PTPRR: variants seen among roughly 807,000 people sequenced by gnomAD.
PTPRR encodes protein tyrosine phosphatase receptor type R.
A neutral mutation model predicts 77.2 loss-of-function variants in PTPRR; 38 were observed. That is an observed-to-expected ratio of 0.49 (90% confidence interval 0.38 to 0.65). The LOEUF is 0.65. PTPRR is among the 30% of genes least tolerant of loss of function. The pLI, the probability that PTPRR is intolerant of heterozygous loss-of-function variation, is 0.00. For missense variants in PTPRR, 744 were observed against 799.2 expected (o/e 0.93, Z 0.83); for synonymous variants, 299 against 283.1 (o/e 1.06, Z -0.57).
chr12:70,726,566 G>A (rs1400824721), intron 6 of PTPRR, among the ~76,000 whole-genome samples: 1 of 143,344 alleles, frequency 7.0e-6, no homozygotes, highest in African/African-American at 2.5e-5. Context: ...ATCATCATGG[G>A]ATAGTCTGCA....
intron 1 of PTPRR, among the ~76,000 whole-genome samples, chr12:70,914,270 G>T (rs914622561): frequency 1.3e-5 from 2 of 152,190 alleles, no homozygotes; most frequent in Admixed American, 1.3e-4. Context: ...CATCGCAAAA[G>T]ACTGCCTTCC....
At chr12:70,688,465 A>T (rs12228860) in intron 8 of PTPRR, among the ~76,000 whole-genome samples, 10,736 of 152,292 alleles carry the variant, frequency 0.07, 814 homozygotes, top group East Asian at 0.27. Flanking sequence ...ATCTCAAATC[A>T]TCAGAGAAAT....
chr12:70,734,391 A>G (rs2136896057), intron 6 of PTPRR, among the ~76,000 whole-genome samples: 1 of 152,336 alleles, frequency 6.6e-6, no homozygotes, highest in South Asian at 2.1e-4. Flanking sequence ...TTGCCAAAAG[A>G]GTTCCCAGGG....
intron 10 of PTPRR, chr12:70,672,127 A>T: frequency 7.1e-7 from 1 of 1,403,098 alleles, no homozygotes; most frequent in Non-Finnish European, 1.0e-6. Flanking sequence ...CACAGTTCCT[A>T]GAGCAGGGAG....
intron 10 of PTPRR, among the ~76,000 whole-genome samples, chr12:70,679,550 T>C (rs1887578920): frequency 6.6e-6 from 1 of 152,190 alleles, no homozygotes; most frequent in Admixed American, 6.5e-5. Context: ...AATAAATAAT[T>C]GCTCTTTATA....
intron 1 of PTPRR, among the ~76,000 whole-genome samples, chr12:70,913,417 A>G (rs769982909): frequency 6.6e-6 from 1 of 152,152 alleles, no homozygotes; most frequent in Non-Finnish European, 1.5e-5. Flanking sequence ...GAATGTGTAA[A>G]TGTCTTGTAT....
intron 8 of PTPRR, among the ~76,000 whole-genome samples, chr12:70,685,473 CAAAAAAAAAA>C (rs61205959): frequency 6.6e-5 from 4 of 60,978 alleles, no homozygotes; most frequent in African/African-American, 2.7e-4. Context: ...GACTTCATCT[CAAAAAAAAAA>C]AAAAAAAAAA....
At chr12:70,827,378 C>G (rs1892129234) in intron 2 of PTPRR, among the ~76,000 whole-genome samples, 1 of 152,072 alleles carries the variant, frequency 6.6e-6, no homozygotes, top group Non-Finnish European at 1.5e-5. Flanking sequence ...ATTTATTTCT[C>G]AGAGTTCTGG....
At chr12:70,799,220 A>T (rs933465485) in intron 2 of PTPRR, among the ~76,000 whole-genome samples, 8 of 152,182 alleles carry the variant, frequency 5.3e-5, no homozygotes, top group Non-Finnish European at 8.8e-5. Flanking sequence ...GGATAAGTCT[A>T]TGTCTATGTG....
chr12:70,771,095 G>A (rs1442110156), intron 2 of PTPRR, among the ~76,000 whole-genome samples: 2 of 151,034 alleles, frequency 1.3e-5, no homozygotes, highest in African/African-American at 2.4e-5. Flanking sequence ...CATGGCACAT[G>A]TATACATATG....
At chr12:70,714,914 G>T (rs1888963910) in intron 6 of PTPRR, among the ~76,000 whole-genome samples, 1 of 152,196 alleles carries the variant, frequency 6.6e-6, no homozygotes, top group Non-Finnish European at 1.5e-5. Flanking sequence ...AGCCTAGGGA[G>T]GTTGAGGCTA....
chr12:70,878,675 C>T (rs1314264260), intron 2 of PTPRR, among the ~76,000 whole-genome samples: 3 of 152,102 alleles, frequency 2.0e-5, no homozygotes, highest in Non-Finnish European at 2.9e-5. Context: ...AGTTCAACCA[C>T]TGTGGAAGAC....
At chr12:70,811,430 G>C (rs181256150) in intron 2 of PTPRR, among the ~76,000 whole-genome samples, 5 of 152,206 alleles carry the variant, frequency 3.3e-5, no homozygotes, top group African/African-American at 1.2e-4. Context: ...ATGCTTTGGC[G>C]GTTTTCTGAG....
At chr12:70,797,849 G>A (rs1444171744) in intron 2 of PTPRR, among the ~76,000 whole-genome samples, 4 of 152,120 alleles carry the variant, frequency 2.6e-5, no homozygotes, top group African/African-American at 7.2e-5. Flanking sequence ...TGCTGATGAT[G>A]CTTAGGGTTC....
intron 7 of PTPRR, among the ~76,000 whole-genome samples, chr12:70,700,922 C>T (rs556644353): frequency 5.9e-5 from 9 of 152,280 alleles, no homozygotes; most frequent in South Asian, 4.2e-4. Flanking sequence ...TTATTTGCCT[C>T]ACCAATTCTT....
chr12:70,782,477 G>A (rs1178532160), intron 2 of PTPRR, among the ~76,000 whole-genome samples: 2 of 152,006 alleles, frequency 1.3e-5, no homozygotes, highest in Non-Finnish European at 2.9e-5. Flanking sequence ...AAGAAAATGT[G>A]GCACATATAC....
intron 2 of PTPRR, among the ~76,000 whole-genome samples, chr12:70,884,871 CAAAAAAA>C (rs529547383): frequency 3.7e-5 from 2 of 53,930 alleles, no homozygotes; most frequent in African/African-American, 9.3e-5. Context: ...AACTCTGTCT[CAAAAAAA>C]AAAAAAAAAA....
chr12:70,811,678 C>A (rs1250828277), intron 2 of PTPRR, among the ~76,000 whole-genome samples: 3 of 152,252 alleles, frequency 2.0e-5, no homozygotes, highest in East Asian at 3.9e-4. Context: ...ATTTATTGAA[C>A]CTTTTGCATG....
chr12:70,704,524 A>T (rs1201875490), intron 6 of PTPRR, among the ~76,000 whole-genome samples: 1 of 152,086 alleles, frequency 6.6e-6, no homozygotes, highest in Non-Finnish European at 1.5e-5. Context: ...TTGACTTCCC[A>T]CAGTATACGC....
Sources: gnomAD v4.1 joint callset for allele counts (sites outside exome capture counted in the v4.1 genomes callset) on GRCh38, gnomAD v4.1.1 for gene constraint, MANE v1.5 for transcripts, NCBI Gene and HGNC (gene_info 2026-07-23, HGNC 2026-07-21) for gene names.